TIA1: variants seen among roughly 807,000 people sequenced by gnomAD.
TIA1 encodes cytotoxic granule associated RNA binding protein TIA1.
A neutral mutation model predicts 65.9 loss-of-function variants in TIA1; 23 were observed. That is an observed-to-expected ratio of 0.35 (90% CI 0.25 to 0.49). The LOEUF (loss-of-function observed/expected upper bound fraction) is 0.49, where lower values mean the gene tolerates loss of function less well. Ranked by LOEUF, TIA1 falls within the 20% of genes least tolerant of loss-of-function variation. TIA1 has a pLI of 0.98. For missense variants in TIA1, 371 were observed against 477.9 expected (o/e 0.78, Z 2.09); for synonymous variants, 147 against 149.4 (o/e 0.98, Z 0.12).
Position 70,248,583 on chromosome 2 carries a change from C to A in TIA1, c.-153G>T. On this transcript the variant is annotated 5_prime_UTR_variant, in exon 1 of 13. Coordinates refer to ENST00000433529, the MANE Select transcript of TIA1 (RefSeq NM_022173.4). ...TCCTCCGGCGGCAATTACACTAAAC[C>A]GCCCGGCCCAGCGGGAACAATGAAA... 3 of 1,088,940 alleles carry A rather than the reference C, an allele frequency of 2.8e-6. No individual in the cohort carries two copies. The highest frequency in any genetic ancestry group is 1.6e-5 in the African/African-American group (1 of 64,194). 67.5% of individuals were successfully genotyped at this position (1,088,940 alleles called of 1,614,324 possible). A position where few individuals can be genotyped will look rare whatever the true frequency, so the allele number is the denominator to read the frequency against.
At position 70,211,295 on chromosome 2, in the gene TIA1, G is replaced by A. The variant is rs556080931; in HGVS notation, c.*1424C>T. On this transcript the variant is annotated 3_prime_UTR_variant, in exon 13 of 13. Transcript: ENST00000433529. ...GCCATCAAAGATTAAACCTCTTAAT[G>A]CTTGGAGCCACCCCAAAATAATAAA... 2.6e-5 allele frequency: 4 copies of A among 152,278 alleles called. No individual in the cohort carries two copies. The South Asian group carries it at 8.3e-4, about 32-fold the overall frequency. 9.4% of individuals were successfully genotyped at this position (152,278 alleles called of 1,614,324 possible).
rs375191972 is a variant in TIA1, at chr2:70,227,735, G to A, written c.398C>T (p.Ser133Leu). The A allele has an allele frequency of 1.9e-6, 3 of 1,567,530 alleles. No homozygotes were observed. The highest frequency in any genetic ancestry group is 1.4e-5 in the African/African-American group (1 of 73,812). The change falls in exon 6 of 13, where the codon TCA becomes TTA. Residue 133 changes from serine (S) to leucine (L), a missense_variant and splice_region_variant. By Grantham distance (145) the Ser-to-Leu change is moderately radical. Coordinates refer to ENST00000433529, the MANE Select transcript of TIA1 (RefSeq NM_022173.4). ...ATTTTATTTATCTTCTGTTACTTAC[G>A]ATATTCTTCCAAATGGTGCAAAAGC... is the stretch of plus-strand genomic sequence containing the variant. ...KAAFAPFGRI[S>L]DARVVKDMAT... is the part of the protein sequence containing the mutation.
In TIA1 at chr2:70,248,248, G is replaced by C. The variant is rs558934154; in HGVS notation, c.26+157C>G. On this transcript the variant is annotated intron_variant, in intron 1 of 12. Transcript: ENST00000433529. ...TCCCTTCACCTCGTCCTCACAGATT[G>C]GGTCTTGGTTGTAAGCATCCAGGTG... Among the ~76,000 whole-genome samples, 9 of 152,344 alleles carry C rather than the reference G, an allele frequency of 5.9e-5. No homozygotes were observed. In the South Asian group the frequency reaches 1.9e-3, roughly 32 times the overall value.
Position 70,212,109 on chromosome 2 carries a change from A to G in TIA1, c.*610T>C, listed in dbSNP as rs1294135091. 2 of 152,642 alleles carry G rather than the reference A, an allele frequency of 1.3e-5. No individual in the cohort carries two copies. The highest frequency in any genetic ancestry group is 2.9e-5 in the Non-Finnish European group (2 of 68,038). The allele number at this position is 152,642 out of a possible 1,614,324, so 9.5% of individuals were successfully genotyped here. A position where few individuals can be genotyped will look rare whatever the true frequency, so the allele number is the denominator to read the frequency against. Reference sequence around the variant, plus strand: ...TGAACATCATTTTTTCCATTTAAGTATATTTTACAGAACTTTAATAAGGCA... The same window carrying G: ...TGAACATCATTTTTTCCATTTAAGTGTATTTTACAGAACTTTAATAAGGCA... On this transcript the variant is annotated 3_prime_UTR_variant, in exon 13 of 13. Transcript: ENST00000433529.
chr2:70,226,535 CTTCT>C (rs1408173457), intron 6 of TIA1, among the ~76,000 whole-genome samples: 4 of 152,144 alleles, frequency 2.6e-5, no homozygotes, highest in African/African-American at 9.6e-5. Context: ...CTAGATCAGG[CTTCT>C]TTATCCTTTT....
intron 2 of TIA1, among the ~76,000 whole-genome samples, chr2:70,232,623 C>T (rs1481202467): frequency 6.7e-6 from 1 of 148,996 alleles, no homozygotes; most frequent in Non-Finnish European, 1.5e-5. Flanking sequence ...AATCTCAGCA[C>T]TCTGGGAGGA....
At chr2:70,232,349 T>G (rs1011111707) in intron 2 of TIA1, among the ~76,000 whole-genome samples, 1 of 150,804 alleles carries the variant, frequency 6.6e-6, no homozygotes, top group Non-Finnish European at 1.5e-5. Flanking sequence ...GAGACCAGCC[T>G]GACCAACATG....
chr2:70,221,156 G>A (rs969774006), intron 7 of TIA1, among the ~76,000 whole-genome samples: 7 of 152,080 alleles, frequency 4.6e-5, no homozygotes, highest in Non-Finnish European at 7.4e-5. Flanking sequence ...ACAGGCGTGT[G>A]CCACCATGCC....
At chr2:70,229,953 A>C (rs1185476229) in intron 3 of TIA1, among the ~76,000 whole-genome samples, 1 of 151,622 alleles carries the variant, frequency 6.6e-6, no homozygotes. Flanking sequence ...AAAAAAACAA[A>C]AAAACCTGGG....
At chr2:70,224,793 G>A in intron 6 of TIA1, 164 bp from the exon 7 acceptor site, 1 of 1,387,696 alleles carries the variant, frequency 7.2e-7, no homozygotes. Context: ...TAGGAAATGA[G>A]GCTTAATTTT....
chr2:70,212,611 T>A lies in TIA1; in HGVS notation c.*108A>T. On this transcript the variant is annotated 3_prime_UTR_variant, in exon 13 of 13. Coordinates refer to ENST00000433529, the MANE Select transcript of TIA1 (RefSeq NM_022173.4). ...AAATGAATCTTTTAAATAAATACAT[T>A]GTATCTGACATTTGCACTGACTGAT... The A allele has an allele frequency of 1.6e-6, 1 of 626,620 alleles. No individual in the cohort carries two copies. The highest frequency in any genetic ancestry group is 2.9e-6 in the Non-Finnish European group (1 of 341,336). 38.8% of individuals were successfully genotyped at this position (626,620 alleles called of 1,614,324 possible).
At chr2:70,230,035 C>T (rs183065369) in intron 3 of TIA1, among the ~76,000 whole-genome samples, 22 of 151,152 alleles carry the variant, frequency 1.5e-4, no homozygotes, top group East Asian at 3.9e-4. Flanking sequence ...TGAGGTCAGG[C>T]GACTGAGACC....
chr2:70,218,772 A>T (rs569782034), intron 7 of TIA1, among the ~76,000 whole-genome samples: 1 of 152,366 alleles, frequency 6.6e-6, no homozygotes, highest in Admixed American at 6.5e-5. Context: ...ATGGCTTAGG[A>T]TAATGGGTAG....
chr2:70,239,135 C>T (rs1459456689), intron 1 of TIA1, among the ~76,000 whole-genome samples: 2 of 152,162 alleles, frequency 1.3e-5, no homozygotes, highest in Admixed American at 6.5e-5. Context: ...CTCTGTCGCC[C>T]AGGCTGGAGT....
intron 8 of TIA1, 92 bp downstream of exon 8, chr2:70,216,794 G>A: frequency 2.5e-6 from 4 of 1,607,828 alleles, no homozygotes; most frequent in Non-Finnish European, 2.5e-6. Flanking sequence ...ATCTATTTCT[G>A]CAATAAGTCT....
chr2:70,217,234 T>C, intron 7 of TIA1: 1 of 258,846 alleles, frequency 3.9e-6, no homozygotes, highest in Non-Finnish European at 7.0e-6. Flanking sequence ...TGCAGTGGTG[T>C]GATCTTGGGT....
intron 5 of TIA1, 77 bp from the exon 6 acceptor site, chr2:70,227,899 A>G (rs1684495514): frequency 4.2e-6 from 4 of 954,812 alleles, no homozygotes; most frequent in Admixed American, 2.2e-5. Context: ...TCTATCCAAT[A>G]AAGTATTCTT....
chr2:70,216,976 G>T lies in TIA1; in HGVS notation c.493C>A (p.Gln165Lys). ...CCAAGCCACTGGCCACCCATCTGTTGAATGGCGTTTTCAGCATCCTGTTCC... is the reference window on the plus strand; with the variant it reads ...CCAAGCCACTGGCCACCCATCTGTTTAATGGCGTTTTCAGCATCCTGTTCC... Reference protein sequence around the residue: ...FNKWDAENAIQQMGGQWLGGR... With the variant: ...FNKWDAENAIKQMGGQWLGGR... Residue 165 changes from glutamine (Q) to lysine (K), a missense_variant, in exon 8 of 13, where the codon CAA becomes AAA. By Grantham distance (53) the Gln-to-Lys change is moderately conservative. Coordinates refer to ENST00000433529, the MANE Select transcript of TIA1 (RefSeq NM_022173.4). The T allele has an allele frequency of 6.2e-7, 1 of 1,613,084 alleles. No homozygotes were observed. Among genetic ancestry groups the T allele is most frequent in the South Asian group, 1.1e-5 (1 of 90,770 alleles).
At chr2:70,226,082 T>C (rs756599467) in intron 6 of TIA1, among the ~76,000 whole-genome samples, 1 of 152,014 alleles carries the variant, frequency 6.6e-6, no homozygotes, top group Non-Finnish European at 1.5e-5. Flanking sequence ...GCTAATTCCT[T>C]ATATAGCCTA....
Sources: allele counts gnomAD v4.1 joint callset (sites outside exome capture counted in the v4.1 genomes callset), GRCh38; gene constraint gnomAD v4.1.1; transcripts MANE v1.5; gene names NCBI Gene and HGNC (gene_info 2026-07-23, HGNC 2026-07-21).